The following LMLN variants were observed in gnomAD, a reference collection of about 807,000 sequenced individuals.
LMLN encodes the protein leishmanolysin like peptidase.
In LMLN, 70 loss-of-function variants were observed where a neutral mutation model predicts 92.3. The observed-to-expected ratio is 0.76, with a 90% CI of 0.63 to 0.92. The LOEUF (loss-of-function observed/expected upper bound fraction) is 0.92, where lower values mean the gene tolerates loss of function less well. LMLN is among the 40% of genes least tolerant of loss of function. The probability of loss-of-function intolerance (pLI) is 0.00; values close to 1 mark genes in which losing one functional copy is unlikely to be tolerated. For missense variants in LMLN, 691 were observed against 814.6 expected (o/e 0.85, Z 1.85); for synonymous variants, 308 against 296.2 (o/e 1.04, Z -0.41).
chr3:197,990,651 A>G (rs771173178), exon 9 of LMLN: 51 of 1,584,176 alleles, frequency 3.2e-5, no homozygotes, highest in Non-Finnish European at 4.2e-5. Context: ...CACACTGTGT[A>G]TCTCCTGGTA....
At chr3:197,981,179 G>A (rs1333011642) in intron 6 of LMLN, among the ~76,000 whole-genome samples, 1 of 151,714 alleles carries the variant, frequency 6.6e-6, no homozygotes, top group Non-Finnish European at 1.5e-5. Context: ...AGGCTGAGGC[G>A]GGTGGATCAT....
chr3:197,962,554 T>C (rs767701965), intron 1 of LMLN, among the ~76,000 whole-genome samples: 12 of 152,166 alleles, frequency 7.9e-5, no homozygotes, highest in Admixed American at 1.3e-4. Flanking sequence ...ACTAACCCTT[T>C]CTCCAAAATA....
intron 14 of LMLN, among the ~76,000 whole-genome samples, chr3:198,029,497 C>T (rs1246336367): frequency 6.6e-6 from 1 of 152,082 alleles, no homozygotes; most frequent in Admixed American, 6.5e-5. Context: ...CATGGTGAAA[C>T]CCTGTCTCTA....
chr3:198,024,715 A>G (rs751388763), exon 14 of LMLN: 1 of 1,612,604 alleles, frequency 6.2e-7, no homozygotes, highest in Non-Finnish European at 8.5e-7. Context: ...TGTCTAATTC[A>G]GAAATCAGCA....
At chr3:197,978,281 A>G (rs186429082) in intron 5 of LMLN, among the ~76,000 whole-genome samples, 11 of 152,354 alleles carry the variant, frequency 7.2e-5, no homozygotes, top group East Asian at 3.9e-4. Context: ...TTCATAAGTT[A>G]TGGAGATTTT....
intron 11 of LMLN, among the ~76,000 whole-genome samples, chr3:198,011,124 T>A (rs182878695): frequency 0.011 from 1,714 of 150,416 alleles, 15 homozygotes; most frequent in Non-Finnish European, 0.017. Flanking sequence ...AAGTTTTTTA[T>A]TTTTTTTTAT....
chr3:198,017,863 G>C (rs1161639185), intron 11 of LMLN, among the ~76,000 whole-genome samples: 1 of 152,124 alleles, frequency 6.6e-6, no homozygotes, highest in Non-Finnish European at 1.5e-5. Context: ...CTTGCAGTGA[G>C]CCGAGATCGC....
intron 8 of LMLN, 30 bp downstream of exon 8, chr3:197,985,920 C>T: frequency 2.2e-6 from 3 of 1,344,946 alleles, no homozygotes; most frequent in East Asian, 2.3e-5. Flanking sequence ...TCTTGTTCTC[C>T]TCTTTTAGGA....
At chr3:197,993,827 G>T (rs1721945915) in intron 9 of LMLN, among the ~76,000 whole-genome samples, 1 of 152,178 alleles carries the variant, frequency 6.6e-6, no homozygotes, top group Non-Finnish European at 1.5e-5. Flanking sequence ...TTCAGGCAGT[G>T]TGATGCCTCC....
chr3:197,996,970 G>A (rs575904678), intron 10 of LMLN, among the ~76,000 whole-genome samples: 99 of 151,516 alleles, frequency 6.5e-4, no homozygotes, highest in Non-Finnish European at 7.8e-4. Context: ...GTGTTCGTTC[G>A]TTTGTTCGTT....
At chr3:197,978,597 A>C (rs1175744682) in intron 5 of LMLN, among the ~76,000 whole-genome samples, 1 of 152,176 alleles carries the variant, frequency 6.6e-6, no homozygotes, top group Non-Finnish European at 1.5e-5. Flanking sequence ...TGATCTTCCC[A>C]CTGTACTCCA....
At chr3:197,989,149 T>C (rs1317645029) in intron 8 of LMLN, among the ~76,000 whole-genome samples, 3 of 152,338 alleles carry the variant, frequency 2.0e-5, no homozygotes, top group Middle Eastern at 6.8e-3. Context: ...TTCACCATGA[T>C]TGTGGGCTGT....
intron 14 of LMLN, among the ~76,000 whole-genome samples, chr3:198,032,965 G>A (rs1023290197): frequency 6.6e-6 from 1 of 152,106 alleles, no homozygotes; most frequent in Non-Finnish European, 1.5e-5. Context: ...GTGTGGCTGT[G>A]GCAGTCCTGA....
At chr3:198,018,913 T>G (rs567761787) in intron 11 of LMLN, among the ~76,000 whole-genome samples, 45 of 152,348 alleles carry the variant, frequency 3.0e-4, no homozygotes, top group African/African-American at 1.1e-3. Flanking sequence ...TACATGCCCT[T>G]TTTTCAAATT....
intron 8 of LMLN, among the ~76,000 whole-genome samples, chr3:197,988,871 G>A (rs1298674932): frequency 9.9e-5 from 15 of 151,850 alleles, no homozygotes; most frequent in African/African-American, 2.9e-4. Context: ...TAGTAGAGAC[G>A]GAATTTCACC....
intron 1 of LMLN, 145 bp downstream of exon 1, chr3:197,960,585 C>T: frequency 1.4e-6 from 1 of 710,994 alleles, no homozygotes; most frequent in Non-Finnish European, 2.3e-6. Flanking sequence ...CTGGGACCCG[C>T]TCTCAGCTCC....
At chr3:197,988,579 G>C (rs1025154768) in intron 8 of LMLN, among the ~76,000 whole-genome samples, 5 of 139,002 alleles carry the variant, frequency 3.6e-5, no homozygotes, top group African/African-American at 1.3e-4. Flanking sequence ...CTGCAGTGTT[G>C]ATCTTCCCAG....
chr3:197,987,320 C>T (rs1355433950), intron 8 of LMLN, among the ~76,000 whole-genome samples: 25 of 152,014 alleles, frequency 1.6e-4, no homozygotes, highest in East Asian at 3.9e-4. Flanking sequence ...CCAACACGCC[C>T]GGCTGATTTT....
chr3:198,005,254 A>G lies in LMLN; in HGVS notation c.1232+5912A>G, dbSNP rs1237714475. 6.4e-5 allele frequency among the ~76,000 whole-genome samples: 9 copies of G among 140,668 alleles called. 1 individual carries two copies. Among genetic ancestry groups the G allele is most frequent in the East Asian group, 2.1e-4 (1 of 4,762 alleles). The allele number at this position is 140,668 out of a possible 152,430, so 92.3% of individuals were successfully genotyped here. A position where few individuals can be genotyped will look rare whatever the true frequency, so the allele number is the denominator to read the frequency against. On this transcript the variant is annotated intron_variant, in intron 11 of 15. Transcript: ENST00000330198. ...TTTGACATCTATCTATATATCATCT[A>G]TACAGATACATATCATACGTAGTAA...
Sources: allele counts gnomAD v4.1 joint callset (sites outside exome capture counted in the v4.1 genomes callset), GRCh38; gene constraint gnomAD v4.1.1; transcripts MANE v1.5; gene names NCBI Gene and HGNC (gene_info 2026-07-23, HGNC 2026-07-21).